Variants in MAPK11 observed in about 807,000 individuals in gnomAD.
MAPK11 encodes mitogen-activated protein kinase 11, also known as MAP kinase 11.
A neutral mutation model predicts 52.2 loss-of-function variants in MAPK11; 44 were observed. That is an observed-to-expected ratio of 0.84 (90% CI 0.66 to 1.08). The LOEUF is 1.08. Among genes scored for constraint, MAPK11 ranks in the 50% least tolerant of loss-of-function variants. The probability of loss-of-function intolerance (pLI) is 0.00; values close to 1 mark genes in which losing one functional copy is unlikely to be tolerated. For synonymous variants in MAPK11, 233 were observed against 206.3 expected, an observed-to-expected ratio of 1.13 and a Z score of -1.11; for missense variants, 436 against 494.7, an observed-to-expected ratio of 0.88 and a Z score of 1.13.
In MAPK11 at chr22:50,267,904, C is replaced by T. The variant is rs776854530; in HGVS notation, c.162G>A (p.Lys54=). 3 of 1,587,276 alleles carry T rather than the reference C, an allele frequency of 1.9e-6. No individual in the cohort carries two copies. Among genetic ancestry groups the T allele is most frequent in the Non-Finnish European group, 2.6e-6 (3 of 1,169,400 alleles). The change falls in exon 2 of 12, where the codon AAG becomes AAA. Residue 54 remains lysine, a synonymous_variant. Transcript: ENST00000330651. ...TCAGCGACTGGAAGGGGCGCGACAG[C>T]TTCTTCACCGCCACCTTCTGGCGCA... ...ARLRQKVAVK[K]LSRPFQSLIH...
In MAPK11 at chr22:50,263,821, C is replaced by G. The variant is rs2065241456; in HGVS notation, c.*1127G>C. ...ACCCCCTTTCCAGGGCAGAGCCACACCCCCAACTCAGCTCTGGGCAGGGTC... is the reference window on the plus strand; with the variant it reads ...ACCCCCTTTCCAGGGCAGAGCCACAGCCCCAACTCAGCTCTGGGCAGGGTC... On this transcript the variant is annotated 3_prime_UTR_variant, in exon 12 of 12. Coordinates refer to ENST00000330651, the MANE Select transcript of MAPK11 (RefSeq NM_002751.7). 2 of 152,516 alleles carry G rather than the reference C, an allele frequency of 1.3e-5. No homozygotes were observed. Among genetic ancestry groups the G allele is most frequent in the Admixed American group, 1.3e-4 (2 of 15,286 alleles). 9.4% of individuals were successfully genotyped at this position (152,516 alleles called of 1,614,324 possible).
In MAPK11 at chr22:50,270,336, C is replaced by T; in HGVS notation, c.-44G>A. ...TCCGCCCGGGCCCAGCCCCGCGCCC[C>T]GCGCCCGCGCCCGAGCCGAGCCCGA... On this transcript the variant is annotated 5_prime_UTR_variant, in exon 1 of 12. Transcript: ENST00000330651. The surrounding 1 kb of genome is among the most constrained non-coding windows in gnomAD (Gnocchi z 6.3). 1 of 830,408 alleles carries T rather than the reference C, an allele frequency of 1.2e-6. No homozygotes were observed. The highest frequency in any genetic ancestry group is 1.5e-6 in the Non-Finnish European group (1 of 660,822). 51.4% of individuals were successfully genotyped at this position (830,408 alleles called of 1,614,324 possible).
rs1569149147 is a variant in MAPK11, at chr22:50,270,004, TC to T, written c.116+172del. 6.6e-6 allele frequency among the ~76,000 whole-genome samples: 1 copy of T among 151,876 alleles called. No homozygotes were observed. The highest frequency in any genetic ancestry group is 1.9e-4 in the East Asian group (1 of 5,146). ...GGTAACGGCGTCTGCTTGGAAAGTT[TC>T]TTTACGCCGCCACCCCCGCCCCCCC... On this transcript the variant is annotated intron_variant, in intron 1 of 11. Transcript: ENST00000330651. The surrounding 1 kb of genome is among the most constrained non-coding windows in gnomAD (Gnocchi z 6.3).
chr22:50,267,051 G>C lies in MAPK11; in HGVS notation c.496-3C>G. On this transcript the variant is annotated splice_region_variant and splice_polypyrimidine_tract_variant and intron_variant, in intron 6 of 11. Transcript: ENST00000330651. ...CGCGCCAGCCCAAAATCCAGGATCT[G>C]GGGCGACCACGTGGTGTTCTCAAGC... The C allele has an allele frequency of 6.2e-7, 1 of 1,611,730 alleles. No homozygotes were observed. Among genetic ancestry groups the C allele is most frequent in the East Asian group, 2.2e-5 (1 of 44,852 alleles).
rs764926204 is a variant in MAPK11 at position 50,267,091 on chromosome 22, G to A, written c.495+36C>T. The A allele has an allele frequency of 2.5e-6, 4 of 1,610,904 alleles. No homozygotes were observed. The Admixed American group carries it at 5.0e-5, about 20-fold the overall frequency. ...TGTTCTCAAGCTCCGCACGGGCTCC[G>A]CCGCCGCCCTGCCCACCCCTGCCCA... On this transcript the variant is annotated intron_variant, in intron 6 of 11. Transcript: ENST00000330651.
At chr22:50,268,295 G>A (rs1394154563) in intron 1 of MAPK11, among the ~76,000 whole-genome samples, 1 of 152,194 alleles carries the variant, frequency 6.6e-6, no homozygotes, top group Non-Finnish European at 1.5e-5. Flanking sequence ...AACACAGCAG[G>A]AAAACAGTCA....
intron 8 of MAPK11, 87 bp from the exon 9 acceptor site, chr22:50,266,392 C>T (rs1333204220): frequency 3.7e-5 from 54 of 1,448,118 alleles, no homozygotes; most frequent in East Asian, 4.7e-5. Context: ...GCCCAGAGCC[C>T]GCTCTCCTAT....
chr22:50,267,657 G>T (rs1043405104), intron 2 of MAPK11, 30 bp from the exon 3 acceptor site: 7 of 1,517,298 alleles, frequency 4.6e-6, no homozygotes, highest in Non-Finnish European at 5.3e-6. Context: ...AGGGCCGGGC[G>T]ACGAACCCCC....
rs773178299 is a variant in MAPK11 at position 50,266,235 on chromosome 22, G to A, written c.753C>T (p.Ser251=). 1 of 1,596,722 alleles carries A rather than the reference G, an allele frequency of 6.3e-7. No homozygotes were observed. Among genetic ancestry groups the A allele is most frequent in the East Asian group, 2.3e-5 (1 of 44,340 alleles). Residue 251 remains serine, a synonymous_variant, in exon 9 of 12, where the codon TCC becomes TCT. Transcript: ENST00000330651. ...TPSPEVLAKI[S]SEHARTYIQS... Reference sequence around the variant, plus strand: ...GCGGGCACCAACTCACGTGTTCTGAGGAGATTTTTGCCAGAACCTCAGGGC... The same window carrying A: ...GCGGGCACCAACTCACGTGTTCTGAAGAGATTTTTGCCAGAACCTCAGGGC...
chr22:50,265,022 T>C lies in MAPK11; in HGVS notation c.1021A>G (p.Thr341Ala). ...ERTLEEWKEL[T>A]YQEVLSFKPP... ...TTGAAGCTGAGGACTTCCTGGTAAGTGAGCTCTAGGAGGTGAAGGGAAAGG... is the reference window on the plus strand; with the variant it reads ...TTGAAGCTGAGGACTTCCTGGTAAGCGAGCTCTAGGAGGTGAAGGGAAAGG... The change falls in exon 12 of 12, where the codon ACT becomes GCT. Residue 341 changes from threonine (T) to alanine (A), a missense_variant. By Grantham distance (58) the Thr-to-Ala change is moderately conservative. Coordinates refer to ENST00000330651, the MANE Select transcript of MAPK11 (RefSeq NM_002751.7). The C allele has an allele frequency of 1.9e-6, 3 of 1,612,816 alleles. No homozygotes were observed. The highest frequency in any genetic ancestry group is 1.7e-6 in the Non-Finnish European group (2 of 1,179,456).
chr22:50,267,145 G>C lies in MAPK11; in HGVS notation c.477C>G (p.Asn159Lys). ...RDLKPSNVAV[N>K]EDCELRILDF... ...GCCTCACCCTGAGCTCACAGTCCTC[G>C]TTCACAGCCACGTTGCTGGGCTTCA... is the stretch of plus-strand genomic sequence containing the variant. The change falls in exon 6 of 12, where the codon AAC (asparagine) becomes AAG (lysine). Residue 159 changes from asparagine to lysine, a missense_variant. Coordinates refer to ENST00000330651, the MANE Select transcript of MAPK11 (RefSeq NM_002751.7). The C allele has an allele frequency of 6.2e-7, 1 of 1,612,012 alleles. No individual in the cohort carries two copies. Among genetic ancestry groups the C allele is most frequent in the Non-Finnish European group, 8.5e-7 (1 of 1,179,636 alleles).
chr22:50,266,454 A>G (rs2065262629), intron 8 of MAPK11, 86 bp downstream of exon 8: 1 of 1,415,744 alleles, frequency 7.1e-7, no homozygotes, highest in African/African-American at 1.4e-5. Flanking sequence ...AGAGGAGGCA[A>G]GACCCGCCAG....
chr22:50,267,234 C>T, intron 5 of MAPK11, 23 bp downstream of exon 5: 1 of 1,608,346 alleles, frequency 6.2e-7, no homozygotes, highest in Non-Finnish European at 8.5e-7. Context: ...TGGACCCGAC[C>T]CTCACCCTGC....
chr22:50,265,165 C>T (rs1304399660), intron 11 of MAPK11, 138 bp from the exon 12 acceptor site: 2 of 1,244,676 alleles, frequency 1.6e-6, no homozygotes, highest in African/African-American at 2.9e-5. Flanking sequence ...CAGAACCTGC[C>T]CTGTGTCACT....
chr22:50,266,678 G>C (rs2065264746), intron 7 of MAPK11, 67 bp from the exon 8 acceptor site: 1 of 1,463,224 alleles, frequency 6.8e-7, no homozygotes, highest in African/African-American at 1.4e-5. Flanking sequence ...GAGACCCACA[G>C]TCACATCCAG....
At chr22:50,265,160 C>T (rs1357221399) in intron 11 of MAPK11, 133 bp from the exon 12 acceptor site, 1 of 1,240,412 alleles carries the variant, frequency 8.1e-7, no homozygotes, top group Non-Finnish European at 1.1e-6. Flanking sequence ...GGAGCCAGAA[C>T]CTGCCCTGTG....
chr22:50,269,402 A>C (rs1002457525), intron 1 of MAPK11, among the ~76,000 whole-genome samples: 2 of 151,896 alleles, frequency 1.3e-5, no homozygotes, highest in African/African-American at 2.4e-5. Flanking sequence ...CCCCACCAGG[A>C]CCCCCCAGTG....
chr22:50,266,266 G>A lies in MAPK11; in HGVS notation c.722C>T (p.Thr241Ile). The A allele has an allele frequency of 6.2e-7, 1 of 1,607,138 alleles. No individual in the cohort carries two copies. Among genetic ancestry groups the A allele is most frequent in the Non-Finnish European group, 8.5e-7 (1 of 1,176,904 alleles). ...QLKRIMEVVG[T>I]PSPEVLAKIS... The stretch of plus-strand genomic sequence containing the variant: ...TTTTGCCAGAACCTCAGGGCTGGGT[G>A]TGCCCACCACTTCCATGATGCGCTT... Residue 241 changes from threonine (T) to isoleucine (I), a missense_variant, in exon 9 of 12, where the codon ACA (threonine) becomes ATA (isoleucine). Coordinates refer to ENST00000330651, the MANE Select transcript of MAPK11 (RefSeq NM_002751.7).
chr22:50,265,815 G>C (rs1220828459), intron 9 of MAPK11, among the ~76,000 whole-genome samples, 155 bp from the exon 10 acceptor site: 1 of 152,150 alleles, frequency 6.6e-6, no homozygotes, highest in Non-Finnish European at 1.5e-5. Flanking sequence ...ATAGGATCTG[G>C]TGGTTCTAGC....
Sources: allele counts gnomAD v4.1 joint callset (sites outside exome capture counted in the v4.1 genomes callset), GRCh38; gene constraint gnomAD v4.1.1; non-coding constraint Gnocchi (gnomAD v3.1); transcripts MANE v1.5; gene names NCBI Gene and HGNC (gene_info 2026-07-23, HGNC 2026-07-21).